Variants in SLC24A2 observed in about 807,000 individuals in gnomAD.
SLC24A2 encodes solute carrier family 24 member 2, also known as sodium/potassium/calcium exchanger 2.
In SLC24A2, 36 loss-of-function variants were observed where a neutral mutation model predicts 62.0. That is an observed-to-expected ratio of 0.58 (90% CI 0.44 to 0.77). SLC24A2 has a LOEUF of 0.77. SLC24A2 is among the 30% of genes least tolerant of loss of function. The probability of loss-of-function intolerance (pLI) is 0.00; values close to 1 mark genes in which losing one functional copy is unlikely to be tolerated. For missense variants in SLC24A2, 846 were observed against 817.9 expected (o/e 1.03, Z -0.42); for synonymous variants, 358 against 294.0 (o/e 1.22, Z -2.23).
the SLC24A2 span, among the ~76,000 whole-genome samples, chr9:20,185,651 C>T: frequency 7.8e-5 from 11 of 140,584 alleles, no homozygotes; most frequent in East Asian, 2.1e-3. Context: ...GGAGACAGAG[C>T]GAGACTCCAT....
the SLC24A2 span, among the ~76,000 whole-genome samples, chr9:20,160,435 A>T: frequency 6.6e-6 from 1 of 151,450 alleles, no homozygotes; most frequent in Non-Finnish European, 1.5e-5. Context: ...AAATTATGAT[A>T]GATATCATAA....
the SLC24A2 span, among the ~76,000 whole-genome samples, chr9:20,060,432 T>C: frequency 6.6e-6 from 1 of 152,024 alleles, no homozygotes; most frequent in African/African-American, 2.4e-5. Flanking sequence ...CAGAAACATA[T>C]AAAAAGGATT....
the SLC24A2 span, among the ~76,000 whole-genome samples, chr9:20,092,448 T>G: frequency 6.6e-6 from 1 of 152,002 alleles, no homozygotes; most frequent in South Asian, 2.1e-4. Context: ...TGCATAGACT[T>G]TTTTATTTTT....
chr9:19,731,516 CGT>C (rs71496830), intron 2 of SLC24A2, among the ~76,000 whole-genome samples: 7,324 of 113,672 alleles, frequency 0.064, 456 homozygotes, highest in African/African-American at 0.16. Flanking sequence ...TCTCTCTCTC[CGT>C]GTGTGTGTGT....
chr9:19,516,517 G>C lies in SLC24A2; in HGVS notation c.1737-115C>G, dbSNP rs147502259. 755 of 1,309,008 alleles carry C rather than the reference G, an allele frequency of 5.8e-4. 6 individuals carry two copies. In the African/African-American group the frequency reaches 0.01, roughly 18 times the overall value. 81.1% of individuals were successfully genotyped at this position (1,309,008 alleles called of 1,614,324 possible). A position where few individuals can be genotyped will look rare whatever the true frequency, so the allele number is the denominator to read the frequency against. On this transcript the variant is annotated intron_variant, in intron 10 of 10. Coordinates refer to ENST00000341998, the MANE Select transcript of SLC24A2 (RefSeq NM_020344.4). ...CTTCTCAGGAACTCTAAACTGAAAA[G>C]GGTGTCTTGTTAGGTTCACTATGAC...
intron 2 of SLC24A2, among the ~76,000 whole-genome samples, chr9:19,756,085 C>T (rs191933214): frequency 1.2e-4 from 18 of 152,216 alleles, no homozygotes; most frequent in Admixed American, 7.8e-4. Context: ...AAGTTACCTG[C>T]TACCTGCTAA....
chr9:20,299,193 C>T, the SLC24A2 span, among the ~76,000 whole-genome samples: 1 of 152,130 alleles, frequency 6.6e-6, no homozygotes, highest in Admixed American at 6.5e-5. Context: ...AAAAATTAGC[C>T]CTTTCGTGCA....
At chr9:19,721,023 C>A (rs1821011373) in intron 2 of SLC24A2, among the ~76,000 whole-genome samples, 1 of 152,048 alleles carries the variant, frequency 6.6e-6, no homozygotes, top group Admixed American at 6.6e-5. Flanking sequence ...GGAGTGTGTA[C>A]AGGAATATCA....
At chr9:20,124,634 A>C in the SLC24A2 span, among the ~76,000 whole-genome samples, 8 of 151,850 alleles carry the variant, frequency 5.3e-5, no homozygotes, top group African/African-American at 1.9e-4. Flanking sequence ...TCACCTACCC[A>C]CTTCTCATGT....
intron 5 of SLC24A2, among the ~76,000 whole-genome samples, chr9:19,583,691 A>G (rs1836276069): frequency 6.6e-6 from 1 of 152,182 alleles, no homozygotes; most frequent in African/African-American, 2.4e-5. Flanking sequence ...ATGGGGCCCC[A>G]GGAACTTTCT....
the SLC24A2 span, among the ~76,000 whole-genome samples, chr9:20,197,190 T>C: frequency 2.0e-5 from 3 of 152,292 alleles, no homozygotes; most frequent in South Asian, 6.2e-4. Context: ...TTTCTAGAAA[T>C]GAAATTTCAG....
the SLC24A2 span, among the ~76,000 whole-genome samples, chr9:20,045,154 G>C: frequency 6.6e-6 from 1 of 152,166 alleles, no homozygotes; most frequent in Non-Finnish European, 1.5e-5. Flanking sequence ...AATTTATTGA[G>C]AACTTACTAT....
the SLC24A2 span, among the ~76,000 whole-genome samples, chr9:19,850,420 C>T: frequency 6.6e-6 from 1 of 152,056 alleles, no homozygotes; most frequent in Non-Finnish European, 1.5e-5. Flanking sequence ...TATATATGAG[C>T]AATGCTATCT....
At chr9:19,989,291 T>G in the SLC24A2 span, among the ~76,000 whole-genome samples, 11 of 152,250 alleles carry the variant, frequency 7.2e-5, no homozygotes, top group African/African-American at 2.6e-4. Flanking sequence ...TTAGTCTCTA[T>G]AAGCTTCATT....
At chr9:20,040,868 G>A in the SLC24A2 span, among the ~76,000 whole-genome samples, 8 of 152,314 alleles carry the variant, frequency 5.3e-5, no homozygotes, top group East Asian at 1.9e-4. Context: ...GAGTTGAGCC[G>A]TTTGTCTACC....
At chr9:19,568,503 G>T (rs1835743782) in intron 7 of SLC24A2, among the ~76,000 whole-genome samples, 1 of 152,226 alleles carries the variant, frequency 6.6e-6, no homozygotes, top group Non-Finnish European at 1.5e-5. Context: ...CACCTAAGCA[G>T]TGCTTATAAT....
chr9:20,068,150 G>A, the SLC24A2 span, among the ~76,000 whole-genome samples: 6 of 136,600 alleles, frequency 4.4e-5, no homozygotes, highest in Non-Finnish European at 9.1e-5. Flanking sequence ...TGCAGCCTCC[G>A]CCTCCTGGGT....
chr9:19,707,800 A>T (rs1175651622), intron 2 of SLC24A2, among the ~76,000 whole-genome samples: 1 of 152,216 alleles, frequency 6.6e-6, no homozygotes, highest in Non-Finnish European at 1.5e-5. Flanking sequence ...CCAATATCAT[A>T]CTGAATGGGC....
chr9:19,884,129 T>TAACATA, the SLC24A2 span, among the ~76,000 whole-genome samples: 1 of 152,330 alleles, frequency 6.6e-6, no homozygotes. Context: ...TAATTATCCC[T>TAACATA]CACAACAGGG....
Sources: allele counts gnomAD v4.1 joint callset (sites outside exome capture counted in the v4.1 genomes callset), GRCh38; gene constraint gnomAD v4.1.1; transcripts MANE v1.5; gene names NCBI Gene and HGNC (gene_info 2026-07-23, HGNC 2026-07-21).